Variants in PRKG1 observed in about 807,000 individuals in gnomAD.
The protein encoded by PRKG1 is protein kinase cGMP-dependent 1.
A neutral mutation model predicts 88.1 loss-of-function variants in PRKG1; 35 were observed. That is an observed-to-expected ratio of 0.40 (90% CI 0.30 to 0.53). The LOEUF (loss-of-function observed/expected upper bound fraction) is 0.53. PRKG1 is among the 20% of genes least tolerant of loss of function. The probability of loss-of-function intolerance (pLI) is 0.59; values close to 1 mark genes in which losing one functional copy is unlikely to be tolerated. For missense variants in PRKG1, 540 were observed against 839.8 expected (o/e 0.64, Z 4.41); for synonymous variants, 303 against 292.5 (o/e 1.04, Z -0.37).
intron 4 of PRKG1, among the ~76,000 whole-genome samples, chr10:51,859,592 A>G (rs1333177862): frequency 1.3e-5 from 2 of 152,270 alleles, no homozygotes; most frequent in Non-Finnish European, 2.9e-5. Context: ...TACATGCCAA[A>G]TTAACACTCT....
At chr10:51,028,710 G>A (rs1843241327) in intron 1 of PRKG1, among the ~76,000 whole-genome samples, 2 of 152,120 alleles carry the variant, frequency 1.3e-5, no homozygotes, top group African/African-American at 4.8e-5. Flanking sequence ...GCTCAAATAA[G>A]TAAGAAGCTC....
intron 1 of PRKG1, among the ~76,000 whole-genome samples, chr10:51,002,304 C>T (rs1282054105): frequency 6.6e-6 from 1 of 152,040 alleles, no homozygotes; most frequent in Non-Finnish European, 1.5e-5. Flanking sequence ...AGATGAAACT[C>T]ATAATAGGTT....
chr10:51,474,955 G>T (rs966011371), intron 3 of PRKG1, among the ~76,000 whole-genome samples: 4 of 151,894 alleles, frequency 2.6e-5, no homozygotes, highest in African/African-American at 9.7e-5. Context: ...ATCCCATGCA[G>T]TCATCCCATG....
At chr10:51,409,820 C>G (rs4935248) in intron 2 of PRKG1, among the ~76,000 whole-genome samples, 17,289 of 139,574 alleles carry the variant, frequency 0.12, 1,259 homozygotes, top group Admixed American at 0.25. Flanking sequence ...TGCCACTGCA[C>G]TCCAGCCTGG....
chr10:51,106,068 G>A (rs1447277958), intron 1 of PRKG1, among the ~76,000 whole-genome samples: 2 of 152,162 alleles, frequency 1.3e-5, no homozygotes, highest in East Asian at 1.9e-4. Flanking sequence ...TAATTGTTAG[G>A]TGAGCGCCCT....
At chr10:51,207,201 T>G (rs1246386640) in intron 2 of PRKG1, among the ~76,000 whole-genome samples, 3 of 152,206 alleles carry the variant, frequency 2.0e-5, no homozygotes, top group Admixed American at 2.0e-4. Flanking sequence ...TAATATCTGC[T>G]TCCAGGCTTT....
chr10:51,100,147 G>A (rs891961868), intron 1 of PRKG1, among the ~76,000 whole-genome samples: 2 of 152,114 alleles, frequency 1.3e-5, no homozygotes, highest in African/African-American at 4.8e-5. Flanking sequence ...TCCTGCCTCG[G>A]CCTCCCAAAG....
At chr10:51,058,219 GA>G (rs1404719236) in intron 1 of PRKG1, among the ~76,000 whole-genome samples, 1 of 151,972 alleles carries the variant, frequency 6.6e-6, no homozygotes, top group Non-Finnish European at 1.5e-5. Flanking sequence ...TGAGTTTTAG[GA>G]ATTCAAGATA....
intron 2 of PRKG1, among the ~76,000 whole-genome samples, chr10:51,218,530 TAAAA>T (rs1564642797): frequency 1.1e-4 from 7 of 62,542 alleles, no homozygotes; most frequent in African/African-American, 3.0e-4. Context: ...TATATATATA[TAAAA>T]TGTGTGTATT....
rs77897859 is a variant in PRKG1 at position 51,840,863 on chromosome 10, A to G, written c.698+36173A>G. Among the ~76,000 whole-genome samples the G allele has an allele frequency of 2.1e-3, 317 of 152,240 alleles. 2 individuals carry two copies. Among genetic ancestry groups the G allele is most frequent in the African/African-American group, 7.3e-3 (303 of 41,554 alleles). On this transcript the variant is annotated intron_variant, in intron 4 of 17. Transcript: ENST00000373980. ...ACCCGTCCCTGAACCCTCTATTTTA[A>G]AGAGAAACAAATACAATGAAGAGTC...
intron 5 of PRKG1, among the ~76,000 whole-genome samples, chr10:52,012,703 G>C (rs1263631500): frequency 1.3e-5 from 2 of 152,058 alleles, no homozygotes; most frequent in Non-Finnish European, 2.9e-5. Flanking sequence ...GCAATATTGA[G>C]CACCAGCTAA....
At chr10:51,793,038 A>T (rs1227286721) in intron 3 of PRKG1, among the ~76,000 whole-genome samples, 1 of 150,442 alleles carries the variant, frequency 6.6e-6, no homozygotes, top group African/African-American at 2.4e-5. Context: ...TTATTAAGTG[A>T]AAAAAAAAGG....
intron 9 of PRKG1, among the ~76,000 whole-genome samples, chr10:52,211,221 C>CT (rs143816489): frequency 0.025 from 3,782 of 152,252 alleles, 143 homozygotes; most frequent in African/African-American, 0.086. Context: ...TCTGCCTGGG[C>CT]TACAGTCCCC....
intron 3 of PRKG1, among the ~76,000 whole-genome samples, chr10:51,612,652 G>A (rs973561686): frequency 4.6e-5 from 7 of 151,804 alleles, no homozygotes; most frequent in Non-Finnish European, 8.8e-5. Flanking sequence ...TACAACATCC[G>A]GTACTTTCTT....
chr10:52,188,317 TG>T (rs1839272891), intron 9 of PRKG1, among the ~76,000 whole-genome samples: 4 of 96,440 alleles, frequency 4.1e-5, no homozygotes, highest in Admixed American at 1.0e-4. Context: ...TATATACATA[TG>T]TATATATATA....
intron 1 of PRKG1, among the ~76,000 whole-genome samples, chr10:51,110,722 T>C (rs374165708): frequency 6.6e-5 from 10 of 152,116 alleles, no homozygotes; most frequent in Admixed American, 2.0e-4. Context: ...TTATTGCACA[T>C]CAGTTGTATC....
intron 5 of PRKG1, among the ~76,000 whole-genome samples, chr10:51,982,427 T>C (rs1013948711): frequency 1.8e-4 from 27 of 152,218 alleles, no homozygotes; most frequent in African/African-American, 6.3e-4. Context: ...GCTGGTTCTT[T>C]CTTATCTTTA....
intron 2 of PRKG1, among the ~76,000 whole-genome samples, chr10:51,373,846 T>A (rs2588854): frequency 0.4 from 60,618 of 150,514 alleles, 12,591 homozygotes; most frequent in African/African-American, 0.49. Flanking sequence ...TTTCGTTTTT[T>A]AAAAAATTAT....
At chr10:51,021,575 A>C (rs1428537980) in intron 1 of PRKG1, among the ~76,000 whole-genome samples, 1 of 152,198 alleles carries the variant, frequency 6.6e-6, no homozygotes, top group Non-Finnish European at 1.5e-5. Context: ...TCCTCAACAG[A>C]TTTGGCAGAC....
Sources: gnomAD v4.1 joint callset for allele counts (sites outside exome capture counted in the v4.1 genomes callset) on GRCh38, gnomAD v4.1.1 for gene constraint, MANE v1.5 for transcripts, NCBI Gene and HGNC (gene_info 2026-07-23, HGNC 2026-07-21) for gene names.